CORIN: variants seen among roughly 807,000 people sequenced by gnomAD.
CORIN encodes the protein atrial natriuretic peptide-converting enzyme.
CORIN carries 117 observed loss-of-function variants against 125.3 expected under a neutral mutation model. The ratio of observed to expected loss-of-function variants is 0.93; its 90% CI spans 0.80 to 1.09. The LOEUF (loss-of-function observed/expected upper bound fraction) is 1.09. CORIN is among the 50% of genes least tolerant of loss of function. CORIN has a pLI of 0.00. For synonymous variants in CORIN, 450 were observed against 466.4 expected (o/e 0.96, Z 0.45); for missense variants, 1,253 against 1,306.7 (o/e 0.96, Z 0.63).
chr4:47,731,477 GC>G (rs1254950215), intron 5 of CORIN, among the ~76,000 whole-genome samples: 1 of 152,116 alleles, frequency 6.6e-6, no homozygotes, highest in Non-Finnish European at 1.5e-5. Flanking sequence ...GTGAAATGAG[GC>G]GAAAACACAA....
intron 2 of CORIN, among the ~76,000 whole-genome samples, chr4:47,801,838 A>G (rs756728115): frequency 6.6e-6 from 1 of 152,224 alleles, no homozygotes; most frequent in Non-Finnish European, 1.5e-5. Context: ...CAAGGACTGC[A>G]ATTCCTAGGC....
At chr4:47,734,005 G>A (rs2109819807) in intron 5 of CORIN, among the ~76,000 whole-genome samples, 1 of 152,262 alleles carries the variant, frequency 6.6e-6, no homozygotes, top group Admixed American at 6.5e-5. Context: ...CTTGTGAGAA[G>A]GGGGCTGTAG....
intron 2 of CORIN, among the ~76,000 whole-genome samples, chr4:47,793,644 G>A (rs1283204451): frequency 2.0e-5 from 3 of 152,174 alleles, no homozygotes; most frequent in African/African-American, 7.2e-5. Context: ...GATGTACACA[G>A]ACACAGAGAG....
At chr4:47,792,426 T>C (rs1731121021) in intron 2 of CORIN, among the ~76,000 whole-genome samples, 1 of 152,306 alleles carries the variant, frequency 6.6e-6, no homozygotes, top group African/African-American at 2.4e-5. Flanking sequence ...GCTATTGTAA[T>C]ACTCCAAGTG....
intron 20 of CORIN, among the ~76,000 whole-genome samples, chr4:47,602,516 A>C (rs1425349312): frequency 6.6e-6 from 1 of 152,206 alleles, no homozygotes; most frequent in Non-Finnish European, 1.5e-5. Flanking sequence ...ACCAAATCAC[A>C]ACATAGAATT....
intron 12 of CORIN, 48 bp from the exon 13 acceptor site, chr4:47,653,708 C>A: frequency 6.7e-7 from 1 of 1,482,606 alleles, no homozygotes; most frequent in South Asian, 1.1e-5. Context: ...CCAGAAACAT[C>A]AGCTAATTTA....
chr4:47,667,628 G>T (rs1207447924), intron 10 of CORIN, among the ~76,000 whole-genome samples: 1 of 152,092 alleles, frequency 6.6e-6, no homozygotes, highest in African/African-American at 2.4e-5. Flanking sequence ...GGATATCACA[G>T]ATATTATATT....
chr4:47,713,837 A>G (rs1011917249), intron 5 of CORIN, among the ~76,000 whole-genome samples: 3 of 152,050 alleles, frequency 2.0e-5, no homozygotes, highest in African/African-American at 7.2e-5. Flanking sequence ...GGCCTCAGGG[A>G]ATCTTTTTTT....
chr4:47,619,281 C>A (rs918311793), intron 19 of CORIN, among the ~76,000 whole-genome samples: 8 of 152,108 alleles, frequency 5.3e-5, no homozygotes, highest in African/African-American at 1.9e-4. Flanking sequence ...ACAAACTTGT[C>A]TTTTTCCCAT....
chr4:47,679,887 C>T (rs1020471930), intron 8 of CORIN: 33 of 341,758 alleles, frequency 9.7e-5, no homozygotes, highest in African/African-American at 6.9e-4. Context: ...AGAGAGAAAA[C>T]AGACACCCAC....
intron 19 of CORIN, among the ~76,000 whole-genome samples, chr4:47,617,596 G>C (rs1167263815): frequency 1.4e-4 from 21 of 152,236 alleles, no homozygotes; most frequent in Admixed American, 1.4e-3. Flanking sequence ...TCACTCCCCA[G>C]TGATGCTGAG....
At chr4:47,686,641 T>A (rs1725528699) in intron 6 of CORIN, among the ~76,000 whole-genome samples, 1 of 152,176 alleles carries the variant, frequency 6.6e-6, no homozygotes. Flanking sequence ...ATCTTTTTGA[T>A]GTTTTTTTGT....
rs116324480 is a variant in CORIN, at chr4:47,787,885, G to A, written c.209-960C>T. Among the ~76,000 whole-genome samples the A allele has an allele frequency of 9.0e-3, 1,368 of 152,316 alleles. 12 individuals carry two copies. The highest frequency in any genetic ancestry group is 0.029 in the African/African-American group (1,224 of 41,560). Reference sequence around the variant, plus strand: ...CTCCCACTTATGAGTGAGAACATACGATGTTTGGTTTTCCATACTCATTAA... The same window carrying A: ...CTCCCACTTATGAGTGAGAACATACAATGTTTGGTTTTCCATACTCATTAA... On this transcript the variant is annotated intron_variant, in intron 2 of 21. Coordinates refer to ENST00000273857, the MANE Select transcript of CORIN (RefSeq NM_006587.4).
intron 1 of CORIN, among the ~76,000 whole-genome samples, chr4:47,815,930 GC>G (rs1398864010): frequency 6.6e-6 from 1 of 152,106 alleles, no homozygotes; most frequent in Non-Finnish European, 1.5e-5. Flanking sequence ...CGCTAAGGAG[GC>G]TCCTGAATTT....
chr4:47,812,348 A>G (rs948974439), intron 1 of CORIN, among the ~76,000 whole-genome samples: 3 of 152,056 alleles, frequency 2.0e-5, no homozygotes, highest in Non-Finnish European at 4.4e-5. Flanking sequence ...AAAGAAAAAA[A>G]ATTAATGTTA....
intron 4 of CORIN, among the ~76,000 whole-genome samples, chr4:47,751,440 G>A (rs181352043): frequency 2.2e-4 from 33 of 152,176 alleles, no homozygotes; most frequent in East Asian, 7.7e-4. Context: ...CTAAAAATCC[G>A]TCAAATCCAT....
intron 16 of CORIN, among the ~76,000 whole-genome samples, chr4:47,639,322 T>C (rs1362203893): frequency 6.6e-6 from 1 of 152,206 alleles, no homozygotes; most frequent in Non-Finnish European, 1.5e-5. Context: ...CATTCTCTGA[T>C]GGCAAAATAT....
chr4:47,786,409 C>T (rs112384561), intron 3 of CORIN, among the ~76,000 whole-genome samples: 88 of 152,128 alleles, frequency 5.8e-4, no homozygotes, highest in African/African-American at 2.0e-3. Context: ...GGCGTGGTGG[C>T]GGGCGCCTGT....
At chr4:47,821,524 C>T (rs1457314566) in intron 1 of CORIN, among the ~76,000 whole-genome samples, 1 of 151,602 alleles carries the variant, frequency 6.6e-6, no homozygotes, top group African/African-American at 2.4e-5. Flanking sequence ...TATTTATGAT[C>T]GGAGTTCAAG....
Sources: allele counts gnomAD v4.1 joint callset (sites outside exome capture counted in the v4.1 genomes callset), GRCh38; gene constraint gnomAD v4.1.1; transcripts MANE v1.5; gene names NCBI Gene and HGNC (gene_info 2026-07-23, HGNC 2026-07-21).